Variants in RBFOX1 observed in about 807,000 individuals in gnomAD.
RBFOX1 encodes the protein RNA binding fox-1 homolog 1, also known as RNA binding protein fox-1 homolog 1.
Under a neutral mutation model 57.7 loss-of-function variants are expected in RBFOX1, and 8 were observed. The observed-to-expected ratio is 0.14, with a 90% CI of 0.08 to 0.25. The LOEUF (loss-of-function observed/expected upper bound fraction) is 0.25, where lower values mean the gene tolerates loss of function less well. Among genes scored for constraint, RBFOX1 ranks in the 10% least tolerant of loss-of-function variants. RBFOX1 has a pLI of 1.00. For synonymous variants in RBFOX1, 326 were observed against 222.4 expected (o/e 1.47, Z -4.15); for missense variants, 611 against 548.5 (o/e 1.11, Z -1.14).
At chr16:7,314,694 C>T (rs1287784249) in intron 4 of RBFOX1, among the ~76,000 whole-genome samples, 1 of 152,044 alleles carries the variant, frequency 6.6e-6, no homozygotes, top group Non-Finnish European at 1.5e-5. Context: ...AGATTCAGAT[C>T]ACATTAGAAT....
chr16:7,150,716 G>A (rs1416408543), intron 4 of RBFOX1, among the ~76,000 whole-genome samples: 1 of 152,208 alleles, frequency 6.6e-6, no homozygotes, highest in Non-Finnish European at 1.5e-5. Flanking sequence ...TTGGATATCA[G>A]CTGTTAACTT....
chr16:5,430,537 G>C (rs890657265), intron 1 of RBFOX1, among the ~76,000 whole-genome samples: 1 of 152,152 alleles, frequency 6.6e-6, no homozygotes, highest in African/African-American at 2.4e-5. Context: ...AGCATCTTGC[G>C]GCGAGCAAGG....
chr16:7,060,255 A>T (rs1408893718), intron 4 of RBFOX1, among the ~76,000 whole-genome samples: 1 of 152,216 alleles, frequency 6.6e-6, no homozygotes, highest in Non-Finnish European at 1.5e-5. Flanking sequence ...ATGTCTCAAT[A>T]AAACTTTATT....
Position 5,338,905 on chromosome 16 carries a change from A to G in RBFOX1, c.219+98800A>G, listed in dbSNP as rs115398451. On this transcript the variant is annotated intron_variant, in intron 1 of 2. Transcript: ENST00000585867. ...CAATCCTCCTGCTTTCTTTCTTTTT[A>G]TATTGACAAGATTGTATTTATGGTG... is the stretch of plus-strand genomic sequence containing the variant. 3.5e-3 allele frequency among the ~76,000 whole-genome samples: 527 copies of G among 152,138 alleles called. 5 individuals carry two copies. Among genetic ancestry groups the G allele is most frequent in the African/African-American group, 0.012 (500 of 41,484 alleles).
intron 4 of RBFOX1, among the ~76,000 whole-genome samples, chr16:7,330,217 A>C (rs1226553875): frequency 6.6e-6 from 1 of 152,104 alleles, no homozygotes. Context: ...AAAATGGCCT[A>C]GGATTTGCAT....
chr16:6,816,117 G>T (rs779630650), intron 3 of RBFOX1, among the ~76,000 whole-genome samples: 1 of 152,146 alleles, frequency 6.6e-6, no homozygotes, highest in Non-Finnish European at 1.5e-5. Flanking sequence ...AGACCAGCCT[G>T]TGCAACATGA....
intron 1 of RBFOX1, among the ~76,000 whole-genome samples, chr16:5,372,343 CA>C (rs1260535561): frequency 6.6e-6 from 1 of 152,110 alleles, no homozygotes; most frequent in Non-Finnish European, 1.5e-5. Flanking sequence ...CTTTCTCCCC[CA>C]ATAAAGATGG....
At chr16:6,388,347 G>A (rs1469415473) in intron 2 of RBFOX1, among the ~76,000 whole-genome samples, 1 of 152,052 alleles carries the variant, frequency 6.6e-6, no homozygotes, top group Non-Finnish European at 1.5e-5. Context: ...GCACCATGTG[G>A]AGCGTAGGAA....
chr16:5,986,420 A>G (rs1367012029), intron 4 of RBFOX1, among the ~76,000 whole-genome samples: 1 of 152,216 alleles, frequency 6.6e-6, no homozygotes, highest in Non-Finnish European at 1.5e-5. Flanking sequence ...ATCAGAAACT[A>G]TGTACACTTT....
At chr16:6,203,980 C>CTTTT in intron 1 of RBFOX1, among the ~76,000 whole-genome samples, 1 of 137,730 alleles carries the variant, frequency 7.3e-6, no homozygotes. Context: ...TGTTTTGTTT[C>CTTTT]TTTTTTTTTT....
At chr16:7,208,203 C>T (rs2090389123) in intron 4 of RBFOX1, among the ~76,000 whole-genome samples, 1 of 152,170 alleles carries the variant, frequency 6.6e-6, no homozygotes, top group Admixed American at 6.5e-5. Flanking sequence ...CCAATTATGT[C>T]ACCATCTATA....
intron 2 of RBFOX1, among the ~76,000 whole-genome samples, chr16:6,339,536 A>G (rs1261172789): frequency 1.3e-5 from 2 of 152,202 alleles, no homozygotes; most frequent in Admixed American, 6.5e-5. Flanking sequence ...ACAGGGAGGT[A>G]AACAGTATTC....
chr16:7,038,223 C>G (rs1597695392), intron 3 of RBFOX1, among the ~76,000 whole-genome samples: 1 of 152,076 alleles, frequency 6.6e-6, no homozygotes. Flanking sequence ...GGAAGCATGC[C>G]AAGCCCTTTT....
intron 2 of RBFOX1, among the ~76,000 whole-genome samples, chr16:6,439,216 G>A (rs2094314095): frequency 6.6e-6 from 1 of 152,138 alleles, no homozygotes; most frequent in Non-Finnish European, 1.5e-5. Context: ...GAGACTACAG[G>A]ACAGGCAGGG....
intron 4 of RBFOX1, among the ~76,000 whole-genome samples, chr16:7,063,714 C>A (rs773448000): frequency 2.0e-5 from 3 of 152,210 alleles, no homozygotes; most frequent in Middle Eastern, 3.4e-3. Flanking sequence ...GGAAAAAAAA[C>A]CCAACACACA....
chr16:7,692,889 A>T lies in RBFOX1; in HGVS notation c.995+16051A>T, dbSNP rs529863488. Among the ~76,000 whole-genome samples, 29 of 150,542 alleles carry T rather than the reference A, an allele frequency of 1.9e-4. No individual in the cohort carries two copies. The South Asian group carries it at 5.7e-3, about 29-fold the overall frequency. ...TTCTGAAATGACAGCACTTTTTCTT[A>T]TTTTTTTTTGATATTATAAGTCTAG... On this transcript the variant is annotated intron_variant, in intron 14 of 15. Coordinates refer to ENST00000550418, the MANE Select transcript of RBFOX1 (RefSeq NM_018723.4).
intron 4 of RBFOX1, among the ~76,000 whole-genome samples, chr16:7,371,604 G>C (rs534222076): frequency 6.6e-6 from 1 of 152,212 alleles, no homozygotes; most frequent in South Asian, 2.1e-4. Flanking sequence ...ACAAAAATTA[G>C]CTGGGTGTGG....
At chr16:6,176,919 C>G (rs546384525) in intron 1 of RBFOX1, among the ~76,000 whole-genome samples, 24 of 152,134 alleles carry the variant, frequency 1.6e-4, no homozygotes, top group Admixed American at 4.6e-4. Flanking sequence ...TTTTTGTTTA[C>G]TGTGACAACC....
At chr16:6,528,946 C>T (rs2096618965) in intron 2 of RBFOX1, among the ~76,000 whole-genome samples, 1 of 152,126 alleles carries the variant, frequency 6.6e-6, no homozygotes, top group African/African-American at 2.4e-5. Context: ...TAAAATTATC[C>T]ATGTTTGAAC....
Sources: gnomAD v4.1 joint callset for allele counts (sites outside exome capture counted in the v4.1 genomes callset) on GRCh38, gnomAD v4.1.1 for gene constraint, MANE v1.5 for transcripts, NCBI Gene and HGNC (gene_info 2026-07-23, HGNC 2026-07-21) for gene names.